The following ELN variants were observed in gnomAD, a reference collection of about 807,000 sequenced individuals.
ELN encodes tropoelastin.
Under a neutral mutation model 105.8 loss-of-function variants are expected in ELN, and 65 were observed. That is an observed-to-expected ratio of 0.61 (90% CI 0.50 to 0.75). The LOEUF (loss-of-function observed/expected upper bound fraction) is 0.75. ELN is among the 30% of genes least tolerant of loss of function. ELN has a pLI of 0.00. For synonymous variants in ELN, 368 were observed against 389.2 expected (o/e 0.95, Z 0.64); for missense variants, 882 against 969.4 (o/e 0.91, Z 1.20).
Position 74,063,321 on chromosome 7 carries a change from G to A in ELN, c.1870G>A (p.Ala624Thr), listed in dbSNP as rs782693956. Residue 624 changes from alanine to threonine, a missense_variant, in exon 28 of 33, where the codon GCC becomes ACC. Transcript: ENST00000252034. The surrounding 1 kb of genome is among the most constrained non-coding windows in gnomAD (Gnocchi z 4.1). The stretch of plus-strand genomic sequence containing the variant: ...GTCTGTGTTCCCAGGAGCCGGACCC[G>A]CCGCCGCCGCTGCCGCAGCCAAAGC... ...IPGGVVGAGP[A>T]AAAAAAKAAA... is the part of the protein sequence containing the mutation. 1.7e-5 allele frequency: 26 copies of A among 1,549,762 alleles called. No individual in the cohort carries two copies. The highest frequency in any genetic ancestry group is 5.5e-5 in the African/African-American group (4 of 73,202).
At chr7:74,067,029 T>C (rs1205499751) in intron 32 of ELN, among the ~76,000 whole-genome samples, 1 of 152,168 alleles carries the variant, frequency 6.6e-6, no homozygotes, top group Non-Finnish European at 1.5e-5. Context: ...CTCACACCTG[T>C]AATCCCAGCA....
At chr7:74,050,693 C>T (rs1482065259) in intron 15 of ELN, among the ~76,000 whole-genome samples, 5 of 152,132 alleles carry the variant, frequency 3.3e-5, no homozygotes, top group Admixed American at 2.0e-4. Flanking sequence ...CTCACTGCCT[C>T]CTCCCACCCA....
At chr7:74,056,250 T>G (rs781793731) in intron 19 of ELN, 21 bp from the exon 20 acceptor site, 1 of 1,614,220 alleles carries the variant, frequency 6.2e-7, no homozygotes. Flanking sequence ...TCTTTTCTAC[T>G]TGGCTCCCTT....
intron 15 of ELN, among the ~76,000 whole-genome samples, chr7:74,050,808 G>T (rs1217425529): frequency 2.0e-5 from 3 of 152,138 alleles, no homozygotes; most frequent in African/African-American, 4.8e-5. Context: ...AGGAAAGTTA[G>T]AAAGGCTTCC....
chr7:74,047,808 G>A, intron 13 of ELN, 92 bp downstream of exon 13: 1 of 1,574,276 alleles, frequency 6.4e-7, no homozygotes, highest in Non-Finnish European at 8.7e-7. Flanking sequence ...TGGGCCAGGA[G>A]AGCACCTCGC....
At chr7:74,045,414 G>T in intron 10 of ELN, 121 bp downstream of exon 10, 1 of 1,152,904 alleles carries the variant, frequency 8.7e-7, no homozygotes, top group Non-Finnish European at 1.3e-6. Flanking sequence ...CACTTTTTAT[G>T]TTCCAGCCCT....
Position 74,046,718 on chromosome 7 carries a change from G to T in ELN, c.594G>T (p.Pro198=), listed in dbSNP as rs140337204. Residue 198 remains proline, a synonymous_variant, in exon 12 of 33, where the codon CCG becomes CCT. Coordinates refer to ENST00000252034, the MANE Select transcript of ELN (RefSeq NM_000501.4). ...CAGGAGTTGGACCCTTTGGGGGACCGCAACCTGGAGTCCCACTGGGGTATC... is the reference window on the plus strand; with the variant it reads ...CAGGAGTTGGACCCTTTGGGGGACCTCAACCTGGAGTCCCACTGGGGTATC... ...GIPGVGPFGG[P]QPGVPLGYPI... 17 of 1,614,050 alleles carry T rather than the reference G, an allele frequency of 1.1e-5. No homozygotes were observed. The African/African-American group carries it at 1.7e-4, about 16-fold the overall frequency.
chr7:74,034,649 G>A (rs1420245877), intron 1 of ELN, among the ~76,000 whole-genome samples: 1 of 152,186 alleles, frequency 6.6e-6, no homozygotes, highest in African/African-American at 2.4e-5. Context: ...AAGTTGCAGT[G>A]AGCTGAGATC....
intron 1 of ELN, among the ~76,000 whole-genome samples, chr7:74,029,002 CAT>C (rs1788068259): frequency 6.6e-6 from 1 of 152,122 alleles, no homozygotes; most frequent in Non-Finnish European, 1.5e-5. Flanking sequence ...TGGAGGGGTA[CAT>C]ATGTCTGCTC....
intron 3 of ELN, 145 bp from the exon 4 acceptor site, chr7:74,037,562 A>T: frequency 8.5e-7 from 1 of 1,179,458 alleles, no homozygotes; most frequent in Non-Finnish European, 1.2e-6. Flanking sequence ...AAGTAGAGCT[A>T]GGTTCCCAGG....
chr7:74,060,112 C>G, intron 23 of ELN, 28 bp from the exon 24 acceptor site: 1 of 1,614,196 alleles, frequency 6.2e-7, no homozygotes, highest in Non-Finnish European at 8.5e-7. Flanking sequence ...GCCTCCATCT[C>G]TAATCCCCCT....
At chr7:74,052,871 A>G (rs976138439) in intron 17 of ELN, 6 of 414,362 alleles carry the variant, frequency 1.4e-5, no homozygotes, top group South Asian at 5.6e-5. Flanking sequence ...GAAAGAAAGA[A>G]AGAGAGAGAG....
chr7:74,036,950 A>C (rs1790097930), intron 3 of ELN, among the ~76,000 whole-genome samples: 1 of 151,748 alleles, frequency 6.6e-6, no homozygotes, highest in South Asian at 2.1e-4. Flanking sequence ...CCTCCCAATT[A>C]GCGAGGACTA....
At chr7:74,032,924 C>G (rs1554663305) in intron 1 of ELN, among the ~76,000 whole-genome samples, 1 of 152,210 alleles carries the variant, frequency 6.6e-6, no homozygotes, top group African/African-American at 2.4e-5. Context: ...CATACCTGGC[C>G]CTGGGCCACG....
intron 2 of ELN, 27 bp downstream of exon 2, chr7:74,035,441 C>A (rs782271963): frequency 6.2e-7 from 1 of 1,613,768 alleles, no homozygotes; most frequent in Admixed American, 1.7e-5. Flanking sequence ...TTCCACACAC[C>A]CAGGTCATGC....
rs782727999 is a variant in ELN, at chr7:74,053,263, G to C, written c.1050G>C (p.Gly350=). The C allele has an allele frequency of 1.2e-6, 2 of 1,613,964 alleles. No individual in the cohort carries two copies. The highest frequency in any genetic ancestry group is 2.7e-5 in the African/African-American group (2 of 74,870). ...GVPGVGVPGA[G]IPVVPGAGIP... ...CAGGTGTTGGTGTCCCAGGAGCTGG[G>C]ATTCCAGTTGTCCCAGGTGCTGGGA... Residue 350 remains glycine, a synonymous_variant, in exon 18 of 33, where the codon GGG becomes GGC. Transcript: ENST00000252034.
At chr7:74,030,052 C>T (rs939349789) in intron 1 of ELN, among the ~76,000 whole-genome samples, 2 of 152,210 alleles carry the variant, frequency 1.3e-5, no homozygotes, top group African/African-American at 4.8e-5. Flanking sequence ...CTCAGTGACA[C>T]CGCTAAACGC....
chr7:74,048,344 G>A, intron 14 of ELN, 143 bp downstream of exon 14: 3 of 1,483,494 alleles, frequency 2.0e-6, no homozygotes, highest in South Asian at 1.1e-5. Flanking sequence ...CAGGATCCTG[G>A]GGGAGGAGTG....
chr7:74,060,523 G>T (rs782185462), intron 25 of ELN, 22 bp downstream of exon 25: 2 of 1,614,060 alleles, frequency 1.2e-6, no homozygotes, highest in Admixed American at 1.7e-5. Context: ...GGAGTTAGGC[G>T]GAGCCTGTCC....
Sources: allele counts gnomAD v4.1 joint callset (sites outside exome capture counted in the v4.1 genomes callset), GRCh38; gene constraint gnomAD v4.1.1; non-coding constraint Gnocchi (gnomAD v3.1); transcripts MANE v1.5; gene names NCBI Gene and HGNC (gene_info 2026-07-23, HGNC 2026-07-21).